Variants in RSPO2 observed in about 807,000 individuals in gnomAD.
RSPO2 encodes R-spondin 2, also known as R-spondin-2.
A neutral mutation model predicts 30.9 loss-of-function variants in RSPO2; 14 were observed. The ratio of observed to expected loss-of-function variants is 0.45; its 90% CI spans 0.30 to 0.71. The LOEUF (loss-of-function observed/expected upper bound fraction) is 0.71, where lower values mean the gene tolerates loss of function less well. Among genes scored for constraint, RSPO2 ranks in the 30% least tolerant of loss-of-function variants. The pLI, the probability that RSPO2 is intolerant of heterozygous loss-of-function variation, is 0.08. For synonymous variants in RSPO2, 107 were observed against 96.4 expected, an observed-to-expected ratio of 1.11 and a Z score of -0.64; for missense variants, 264 against 301.9, an observed-to-expected ratio of 0.87 and a Z score of 0.93.
At chr8:108,081,788 G>T in intron 2 of RSPO2, 1 of 429,248 alleles carries the variant, frequency 2.3e-6, no homozygotes, top group Non-Finnish European at 3.1e-6. Context: ...ATTTCATTGA[G>T]AACAGAAGCC....
In RSPO2 at chr8:108,078,029, T is replaced by C. The variant is rs150812567; in HGVS notation, c.94+4516A>G. ...TGGAAGGAAAGAAGTACCCTGGATA[T>C]TCCACAAACTGGCCAGTTTGTCTCT... On this transcript the variant is annotated intron_variant, in intron 2 of 5. Coordinates refer to ENST00000276659, the MANE Select transcript of RSPO2 (RefSeq NM_178565.5). Among the ~76,000 whole-genome samples, 175 of 152,306 alleles carry C rather than the reference T, an allele frequency of 1.1e-3. 5 individuals carry two copies. The East Asian group carries it at 0.028, about 25-fold the overall frequency.
chr8:108,016,618 A>G (rs1414409528), intron 2 of RSPO2, among the ~76,000 whole-genome samples: 3 of 152,140 alleles, frequency 2.0e-5, no homozygotes, highest in East Asian at 1.9e-4. Context: ...TACACACACT[A>G]TGTGGCTCAG....
chr8:107,919,669 C>T (rs1405167756), intron 5 of RSPO2, among the ~76,000 whole-genome samples: 2 of 152,090 alleles, frequency 1.3e-5, no homozygotes, highest in Non-Finnish European at 2.9e-5. Flanking sequence ...TGACTCAGCA[C>T]AAGATGACAG....
chr8:108,031,344 T>C (rs949091315), intron 2 of RSPO2, among the ~76,000 whole-genome samples: 5 of 152,212 alleles, frequency 3.3e-5, no homozygotes, highest in African/African-American at 1.2e-4. Context: ...TGGAGTCCAT[T>C]ATGAGTTTTC....
intron 2 of RSPO2, among the ~76,000 whole-genome samples, chr8:108,068,608 C>T (rs1586676146): frequency 6.6e-6 from 1 of 152,118 alleles, no homozygotes; most frequent in South Asian, 2.1e-4. Context: ...TGAATGTGGC[C>T]TTATTTGCAA....
chr8:108,049,480 G>A (rs1408818850), intron 2 of RSPO2, among the ~76,000 whole-genome samples: 1 of 151,616 alleles, frequency 6.6e-6, no homozygotes, highest in East Asian at 2.0e-4. Flanking sequence ...GTGGTTTGCT[G>A]CACCTATTAA....
At chr8:107,914,866 A>G (rs530734446) in intron 5 of RSPO2, among the ~76,000 whole-genome samples, 1 of 152,272 alleles carries the variant, frequency 6.6e-6, no homozygotes, top group African/African-American at 2.4e-5. Context: ...TAGAAAAAAA[A>G]TTAAATTCCA....
chr8:107,983,655 G>A, intron 3 of RSPO2: 8 of 1,593,424 alleles, frequency 5.0e-6, no homozygotes, highest in Non-Finnish European at 6.9e-6. Flanking sequence ...ATTTGAAGAG[G>A]CATGTGGAAT....
At chr8:107,936,029 A>G (rs986594585) in intron 5 of RSPO2, among the ~76,000 whole-genome samples, 7 of 152,098 alleles carry the variant, frequency 4.6e-5, no homozygotes, top group Non-Finnish European at 1.0e-4. Context: ...CTCTGCTATC[A>G]AATATTAGAG....
rs112208618 is a variant in RSPO2, at chr8:107,995,057, G to C, written c.95-5813C>G. On this transcript the variant is annotated intron_variant, in intron 2 of 5. Coordinates refer to ENST00000276659, the MANE Select transcript of RSPO2 (RefSeq NM_178565.5). Reference sequence around the variant, plus strand: ...TTATTCTACCAAAGGGACCAAACAAGAAACAAGGCCCTTCAGGATCAGGAA... The same window carrying C: ...TTATTCTACCAAAGGGACCAAACAACAAACAAGGCCCTTCAGGATCAGGAA... 6.8e-3 allele frequency among the ~76,000 whole-genome samples: 1,032 copies of C among 152,148 alleles called. 15 individuals are homozygous for C. The highest frequency in any genetic ancestry group is 0.023 in the African/African-American group (962 of 41,516).
chr8:107,937,729 C>T (rs1346356773), intron 5 of RSPO2, among the ~76,000 whole-genome samples: 1 of 151,986 alleles, frequency 6.6e-6, no homozygotes, highest in Non-Finnish European at 1.5e-5. Context: ...GAACTGATCG[C>T]AAAAGAATCA....
chr8:108,065,719 C>T (rs996851275), intron 2 of RSPO2, among the ~76,000 whole-genome samples: 8 of 151,478 alleles, frequency 5.3e-5, no homozygotes, highest in Admixed American at 2.0e-4. Context: ...AATCTCTAGG[C>T]CCCTTCTTTA....
At chr8:108,030,664 G>C (rs1249549846) in intron 2 of RSPO2, among the ~76,000 whole-genome samples, 1 of 152,164 alleles carries the variant, frequency 6.6e-6, no homozygotes, top group Non-Finnish European at 1.5e-5. Flanking sequence ...CTGGGTAAGT[G>C]CTATGATAAA....
intron 5 of RSPO2, among the ~76,000 whole-genome samples, chr8:107,913,303 T>G (rs1172158830): frequency 1.3e-5 from 2 of 152,124 alleles, no homozygotes; most frequent in East Asian, 3.9e-4. Context: ...TGTCATAAAT[T>G]CCTGCAAACC....
At chr8:107,980,608 G>A (rs1344144694) in intron 3 of RSPO2, among the ~76,000 whole-genome samples, 3 of 152,094 alleles carry the variant, frequency 2.0e-5, no homozygotes, top group Non-Finnish European at 4.4e-5. Context: ...ATTACCTTTA[G>A]TTGGTCAACA....
intron 5 of RSPO2, among the ~76,000 whole-genome samples, chr8:107,955,369 C>CACG (rs931563054): frequency 2.2e-4 from 33 of 152,166 alleles, no homozygotes; most frequent in African/African-American, 7.9e-4. Flanking sequence ...AACAAGTTGA[C>CACG]ACGATGTAGG....
At chr8:107,954,863 C>T (rs1358130949) in intron 5 of RSPO2, among the ~76,000 whole-genome samples, 1 of 151,594 alleles carries the variant, frequency 6.6e-6, no homozygotes, top group African/African-American at 2.4e-5. Flanking sequence ...CCTGTCTTGG[C>T]CTCCCAAAAT....
intron 5 of RSPO2, among the ~76,000 whole-genome samples, chr8:107,922,347 C>A (rs1331689915): frequency 6.6e-6 from 1 of 152,052 alleles, no homozygotes; most frequent in Admixed American, 6.6e-5. Flanking sequence ...ATCTCATTTA[C>A]AATAGCCACA....
At chr8:107,964,529 C>A (rs1422768278) in intron 3 of RSPO2, among the ~76,000 whole-genome samples, 1 of 152,146 alleles carries the variant, frequency 6.6e-6, no homozygotes, top group Non-Finnish European at 1.5e-5. Context: ...CCATGCCTGG[C>A]CAAACCCAAT....
Sources: allele counts gnomAD v4.1 joint callset (sites outside exome capture counted in the v4.1 genomes callset), GRCh38; gene constraint gnomAD v4.1.1; transcripts MANE v1.5; gene names NCBI Gene and HGNC (gene_info 2026-07-23, HGNC 2026-07-21).